The following CREB5 variants were observed in gnomAD, a reference collection of about 807,000 sequenced individuals.
CREB5 encodes the protein cAMP responsive element binding protein 5.
In CREB5, 19 loss-of-function variants were observed where a neutral mutation model predicts 57.1. The ratio of observed to expected loss-of-function variants is 0.33; its 90% CI spans 0.23 to 0.49. CREB5 has a LOEUF of 0.49. CREB5 is among the 20% of genes least tolerant of loss of function. The pLI, the probability that CREB5 is intolerant of heterozygous loss-of-function variation, is 0.99. For synonymous variants in CREB5, 238 were observed against 238.3 expected (o/e 1.00, Z 0.01); for missense variants, 579 against 671.6 (o/e 0.86, Z 1.52).
intron 5 of CREB5, among the ~76,000 whole-genome samples, chr7:28,614,135 A>G (rs1399869092): frequency 6.6e-6 from 1 of 151,890 alleles, no homozygotes; most frequent in Non-Finnish European, 1.5e-5. Flanking sequence ...AATTTTTTGT[A>G]TGTTTATAAA....
chr7:28,461,116 G>A lies in CREB5; in HGVS notation c.4-27059G>A, dbSNP rs1368577930. Among the ~76,000 whole-genome samples, 32 of 116,644 alleles carry A rather than the reference G, an allele frequency of 2.7e-4. 1 individual carries two copies. In the Admixed American group the frequency reaches 3.1e-3, roughly 11 times the overall value. The allele number at this position is 116,644 out of a possible 152,430, so 76.5% of individuals were successfully genotyped here. Reference sequence around the variant, plus strand: ...TGCCCACCTGTGGTCCCAGCTACTTGGGAGGCTGAGGCAGGAGTACCGTTT... The same window carrying A: ...TGCCCACCTGTGGTCCCAGCTACTTAGGAGGCTGAGGCAGGAGTACCGTTT... On this transcript the variant is annotated intron_variant, in intron 1 of 10. Coordinates refer to ENST00000357727, the MANE Select transcript of CREB5 (RefSeq NM_182898.4).
chr7:28,706,163 C>T (rs1421934635), intron 5 of CREB5, among the ~76,000 whole-genome samples: 1 of 152,046 alleles, frequency 6.6e-6, no homozygotes, highest in African/African-American at 2.4e-5. Context: ...GAGACCAGCT[C>T]GGCCAACATG....
At chr7:28,305,149 A>G (rs1274775627) in intron 1 of CREB5, among the ~76,000 whole-genome samples, 3 of 152,240 alleles carry the variant, frequency 2.0e-5, no homozygotes, top group African/African-American at 7.2e-5. Context: ...GTTCTTAAAT[A>G]CACTTCTCTT....
At chr7:28,514,627 C>T (rs190495027) in intron 4 of CREB5, among the ~76,000 whole-genome samples, 13 of 152,276 alleles carry the variant, frequency 8.5e-5, no homozygotes, top group South Asian at 4.1e-4. Flanking sequence ...AATCTCGGAC[C>T]TCGTGATCCG....
chr7:28,350,141 A>C (rs10243659), intron 1 of CREB5, among the ~76,000 whole-genome samples: 117,787 of 152,096 alleles, frequency 0.77, 46,043 homozygotes, highest in Non-Finnish European at 0.83. Context: ...TCAAAATGGG[A>C]AAGGTTAACA....
intron 2 of CREB5, among the ~76,000 whole-genome samples, chr7:28,492,775 T>G: frequency 6.7e-6 from 1 of 149,270 alleles, no homozygotes; most frequent in Middle Eastern, 3.5e-3. Context: ...ATATAATATT[T>G]TTATAGTATA....
intron 10 of CREB5, 147 bp from the exon 11 acceptor site, chr7:28,818,969 A>C: frequency 1.0e-6 from 1 of 956,702 alleles, no homozygotes; most frequent in South Asian, 1.7e-5. Context: ...TAAAGTTTTG[A>C]AATTAACTTT....
chr7:28,391,391 A>T (rs1240850613), intron 1 of CREB5, among the ~76,000 whole-genome samples: 4 of 152,200 alleles, frequency 2.6e-5, no homozygotes, highest in Non-Finnish European at 5.9e-5. Flanking sequence ...ATTGGATTTC[A>T]TTTGTAGCTA....
intron 5 of CREB5, among the ~76,000 whole-genome samples, chr7:28,591,716 G>C (rs1261739740): frequency 6.6e-6 from 1 of 152,184 alleles, no homozygotes; most frequent in Non-Finnish European, 1.5e-5. Context: ...TTTGTATTAT[G>C]TCAGGAAGGG....
At chr7:28,741,586 G>A (rs1189716729) in intron 7 of CREB5, among the ~76,000 whole-genome samples, 2 of 152,116 alleles carry the variant, frequency 1.3e-5, no homozygotes, top group African/African-American at 2.4e-5. Context: ...AATTAAGTAC[G>A]TTTTGAACTT....
In CREB5 at chr7:28,819,532, A is replaced by C. The variant is rs1426565659; in HGVS notation, c.*253A>C. 2.4e-6 allele frequency: 1 copy of C among 414,822 alleles called. No individual in the cohort carries two copies. The highest frequency in any genetic ancestry group is 4.5e-5 in the East Asian group (1 of 22,248). 25.7% of individuals were successfully genotyped at this position (414,822 alleles called of 1,614,324 possible). On this transcript the variant is annotated 3_prime_UTR_variant, in exon 11 of 11. Transcript: ENST00000357727. Reference sequence around the variant, plus strand: ...TTTCTCCAGTTTTCTGGTACCAGTTACTTGTTTATAAACTGAACCTTTTCT... The same window carrying C: ...TTTCTCCAGTTTTCTGGTACCAGTTCCTTGTTTATAAACTGAACCTTTTCT...
At chr7:28,492,388 A>G (rs1791845633) in intron 2 of CREB5, among the ~76,000 whole-genome samples, 1 of 152,218 alleles carries the variant, frequency 6.6e-6, no homozygotes, top group Non-Finnish European at 1.5e-5. Context: ...CACAGAGCTC[A>G]GTGTTAATTT....
At chr7:28,746,609 C>A (rs1179079728) in intron 7 of CREB5, among the ~76,000 whole-genome samples, 1 of 152,188 alleles carries the variant, frequency 6.6e-6, no homozygotes, top group East Asian at 1.9e-4. Flanking sequence ...ATCTTCTCTA[C>A]CCAGAAGCTG....
chr7:28,758,365 G>A (rs966613646), intron 7 of CREB5, among the ~76,000 whole-genome samples: 4 of 152,206 alleles, frequency 2.6e-5, no homozygotes, highest in African/African-American at 9.7e-5. Flanking sequence ...GCACTTGAAA[G>A]GTTTGTTGTC....
chr7:28,516,185 CTGAG>C (rs1228250308), intron 4 of CREB5, among the ~76,000 whole-genome samples: 2 of 151,864 alleles, frequency 1.3e-5, no homozygotes, highest in African/African-American at 2.4e-5. Flanking sequence ...CTGTACTCGA[CTGAG>C]TGACAGAGCG....
At chr7:28,712,052 T>C (rs1802421872) in intron 5 of CREB5, among the ~76,000 whole-genome samples, 1 of 152,132 alleles carries the variant, frequency 6.6e-6, no homozygotes, top group Non-Finnish European at 1.5e-5. Flanking sequence ...AGACAAGTAA[T>C]TTGCCCAAGG....
At chr7:28,652,443 A>G (rs1480583080) in intron 5 of CREB5, among the ~76,000 whole-genome samples, 3 of 152,220 alleles carry the variant, frequency 2.0e-5, no homozygotes, top group African/African-American at 7.2e-5. Flanking sequence ...ATAGAAAGCC[A>G]GCATAGATGA....
At chr7:28,632,689 G>C (rs1438423451) in intron 5 of CREB5, among the ~76,000 whole-genome samples, 1 of 152,184 alleles carries the variant, frequency 6.6e-6, no homozygotes, top group Non-Finnish European at 1.5e-5. Context: ...AGGAGATGTA[G>C]TTAAGGTCTC....
rs140926426 is a variant in CREB5, at chr7:28,642,232, C to G, written c.464+71695C>G. Among the ~76,000 whole-genome samples the G allele has an allele frequency of 2.8e-3, 426 of 152,222 alleles. 3 individuals carry two copies. The highest frequency in any genetic ancestry group is 9.7e-3 in the African/African-American group (404 of 41,540). ...ACCTGCTGTCGGTTCCTTGTGGGAC[C>G]TATGCTGATAAAAACCAGGGAAAAA... is the stretch of plus-strand genomic sequence containing the variant. On this transcript the variant is annotated intron_variant, in intron 5 of 10. Coordinates refer to ENST00000357727, the MANE Select transcript of CREB5 (RefSeq NM_182898.4).
Sources: gnomAD v4.1 joint callset for allele counts (sites outside exome capture counted in the v4.1 genomes callset) on GRCh38, gnomAD v4.1.1 for gene constraint, MANE v1.5 for transcripts, NCBI Gene and HGNC (gene_info 2026-07-23, HGNC 2026-07-21) for gene names.